RNF214: variants seen among roughly 807,000 people sequenced by gnomAD.
RNF214 encodes ring finger protein 214.
A neutral mutation model predicts 75.9 loss-of-function variants in RNF214; 25 were observed. That is an observed-to-expected ratio of 0.33 (90% CI 0.24 to 0.46). The LOEUF is 0.46. Among genes scored for constraint, RNF214 ranks in the 20% least tolerant of loss-of-function variants. The probability of loss-of-function intolerance (pLI) is 1.00; values close to 1 mark genes in which losing one functional copy is unlikely to be tolerated. For missense variants in RNF214, 725 were observed against 857.5 expected (o/e 0.85, Z 1.93); for synonymous variants, 314 against 308.8 (o/e 1.02, Z -0.18).
At chr11:117,251,915 C>A (rs1414382398) in intron 6 of RNF214, among the ~76,000 whole-genome samples, 1 of 152,220 alleles carries the variant, frequency 6.6e-6, no homozygotes, top group Non-Finnish European at 1.5e-5. Flanking sequence ...GTTGCCCAGG[C>A]AGGAGTGCAG....
chr11:117,283,754 A>G (rs1412618242), intron 14 of RNF214, among the ~76,000 whole-genome samples: 1 of 152,012 alleles, frequency 6.6e-6, no homozygotes, highest in Non-Finnish European at 1.5e-5. Context: ...TCAATCCCCT[A>G]GGCTCAAGGT....
Position 117,285,239 on chromosome 11 carries a change from T to TTTTA in RNF214, c.*88_*89insTTTA. The TTTTA allele has an allele frequency of 1.2e-6, 1 of 844,092 alleles. No individual in the cohort carries two copies. Among genetic ancestry groups the TTTTA allele is most frequent in the Non-Finnish European group, 2.0e-6 (1 of 490,986 alleles). The allele number at this position is 844,092 out of a possible 1,614,324, so 52.3% of individuals were successfully genotyped here. ...TTTCTAAAACTCTATATTTATACAG[T>TTTTA]GACATATACTCATGCCATGTACATT... On this transcript the variant is annotated 3_prime_UTR_variant, in exon 15 of 15. Transcript: ENST00000300650.
In RNF214 at chr11:117,241,903, T is replaced by C. The variant is rs577458504; in HGVS notation, c.678+2043T>C. Reference sequence around the variant, plus strand: ...TATAATAGTACAGATACAGTATAATTACTTTATAATACAGTGGGATCTCTC... The same window carrying C: ...TATAATAGTACAGATACAGTATAATCACTTTATAATACAGTGGGATCTCTC... On this transcript the variant is annotated intron_variant, in intron 4 of 14. Coordinates refer to ENST00000300650, the MANE Select transcript of RNF214 (RefSeq NM_207343.4). Among the ~76,000 whole-genome samples the C allele has an allele frequency of 1.2e-4, 19 of 152,352 alleles. No individual in the cohort carries two copies. In the South Asian group the frequency reaches 3.9e-3, roughly 32 times the overall value.
chr11:117,261,943 G>A (rs1006094985), intron 6 of RNF214, among the ~76,000 whole-genome samples: 1 of 151,872 alleles, frequency 6.6e-6, no homozygotes, highest in Non-Finnish European at 1.5e-5. Flanking sequence ...ACCACACCTG[G>A]CCCATTGATT....
At chr11:117,244,363 A>G (rs977463160) in intron 4 of RNF214, 82 bp from the exon 5 acceptor site, 7 of 1,181,956 alleles carry the variant, frequency 5.9e-6, no homozygotes, top group Admixed American at 3.9e-5. Context: ...ATAGAGCTCT[A>G]TACAATGCCT....
At chr11:117,250,730 T>C (rs1242483024) in intron 6 of RNF214, among the ~76,000 whole-genome samples, 1 of 141,978 alleles carries the variant, frequency 7.0e-6, no homozygotes, top group Non-Finnish European at 1.5e-5. Context: ...TGAACAAAGG[T>C]CTCTGGTTTT....
At chr11:117,234,584 A>G (rs1310114517) in intron 2 of RNF214, among the ~76,000 whole-genome samples, 1 of 152,262 alleles carries the variant, frequency 6.6e-6, no homozygotes. Flanking sequence ...GGGAATAAAT[A>G]GAATAGAATA....
intron 6 of RNF214, among the ~76,000 whole-genome samples, chr11:117,258,782 C>T (rs1450726409): frequency 6.6e-6 from 1 of 152,112 alleles, no homozygotes; most frequent in Non-Finnish European, 1.5e-5. Context: ...CCCCCACTCT[C>T]CCCAAACCAA....
At chr11:117,243,786 G>A (rs992695268) in intron 4 of RNF214, among the ~76,000 whole-genome samples, 10 of 152,050 alleles carry the variant, frequency 6.6e-5, no homozygotes, top group African/African-American at 2.4e-4. Context: ...TCAGCTTCTG[G>A]CCTCAAGCAG....
chr11:117,251,487 C>G (rs866009560), intron 6 of RNF214, among the ~76,000 whole-genome samples: 605 of 96,694 alleles, frequency 6.3e-3, no homozygotes, highest in East Asian at 0.013. Context: ...GCTGACCCCC[C>G]CACCTCCCTC....
At position 117,244,579 on chromosome 11, in the gene RNF214, T is replaced by C; in HGVS notation, c.813T>C (p.Asn271=). The C allele has an allele frequency of 1.2e-6, 2 of 1,603,398 alleles. No homozygotes were observed. Among genetic ancestry groups the C allele is most frequent in the Non-Finnish European group, 8.5e-7 (1 of 1,175,976 alleles). Residue 271 remains asparagine, a synonymous_variant, in exon 5 of 15, where the codon AAT becomes AAC. Coordinates refer to ENST00000300650, the MANE Select transcript of RNF214 (RefSeq NM_207343.4). ...LQQRREEEMK[N]HQEILKAIQD... is the part of the protein sequence containing the mutation. ...AAAGGAGAGAAGAGGAAATGAAGAATCACCAGGTATTTTGCTTATATTGAA... is the reference window on the plus strand; with the variant it reads ...AAAGGAGAGAAGAGGAAATGAAGAACCACCAGGTATTTTGCTTATATTGAA...
intron 6 of RNF214, among the ~76,000 whole-genome samples, chr11:117,261,481 G>A (rs1470887425): frequency 1.3e-5 from 2 of 152,120 alleles, no homozygotes; most frequent in African/African-American, 2.4e-5. Flanking sequence ...TCAGGAGGCT[G>A]AGCCTGGAGA....
chr11:117,270,991 T>C (rs542484837), intron 6 of RNF214, among the ~76,000 whole-genome samples: 4 of 152,230 alleles, frequency 2.6e-5, no homozygotes, highest in African/African-American at 9.6e-5. Context: ...CCCCTGCCTT[T>C]TGGGCTCAAG....
intron 12 of RNF214, 56 bp downstream of exon 12, chr11:117,282,592 A>G (rs946957477): frequency 3.8e-6 from 6 of 1,595,118 alleles, no homozygotes; most frequent in East Asian, 4.5e-5. Context: ...GGGAAGAGGT[A>G]GATTTCAGAA....
intron 4 of RNF214, among the ~76,000 whole-genome samples, chr11:117,240,557 G>A (rs1445480527): frequency 6.6e-6 from 1 of 151,592 alleles, no homozygotes; most frequent in Non-Finnish European, 1.5e-5. Flanking sequence ...GCGTGGTGGT[G>A]TGTGCCTGTA....
chr11:117,281,514 CTTTTG>C, intron 9 of RNF214, 81 bp from the exon 10 acceptor site: 1 of 1,402,214 alleles, frequency 7.1e-7, no homozygotes, highest in Non-Finnish European at 1.0e-6. Flanking sequence ...CCTACTATTC[CTTTTG>C]TTTTCCTGAT....
rs772171591 is a variant in RNF214 at position 117,239,110 on chromosome 11, A to G, written c.617A>G (p.Gln206Arg). ...SLKLSQNIAV[Q>R]TDFKTADSEV... ...AAGCTTTCTCAGAACATTGCTGTAC[A>G]GGTCAAGTGTCAAGTTTCTACTACT... Residue 206 changes from glutamine (Q) to arginine (R), a missense_variant and splice_region_variant, in exon 3 of 15, where the codon CAG becomes CGG. By Grantham distance (43) the Gln-to-Arg change is conservative. This residue lies in a region of RNF214 where 362 missense variants were observed against 344.5 expected (regional missense o/e 1.05). Coordinates refer to ENST00000300650, the MANE Select transcript of RNF214 (RefSeq NM_207343.4). 5.7e-6 allele frequency: 9 copies of G among 1,591,394 alleles called. No homozygotes were observed. The highest frequency in any genetic ancestry group is 2.2e-5 in the East Asian group (1 of 44,466).
At chr11:117,275,575 GA>G (rs1412207982) in intron 6 of RNF214, among the ~76,000 whole-genome samples, 1 of 152,124 alleles carries the variant, frequency 6.6e-6, no homozygotes, top group East Asian at 1.9e-4. Context: ...TGATACCACG[GA>G]AATAGAAAAG....
intron 6 of RNF214, among the ~76,000 whole-genome samples, chr11:117,258,589 C>CTTTT (rs367664616): frequency 2.0e-5 from 3 of 149,112 alleles, no homozygotes; most frequent in African/African-American, 7.4e-5. Flanking sequence ...ATATACAAAT[C>CTTTT]TTTTTTTTTT....
Sources: allele counts gnomAD v4.1 joint callset (sites outside exome capture counted in the v4.1 genomes callset), GRCh38; gene constraint gnomAD v4.1.1; regional missense constraint gnomAD v4.1.1; transcripts MANE v1.5; gene names NCBI Gene and HGNC (gene_info 2026-07-23, HGNC 2026-07-21).